Variants in ABLIM3 observed in about 807,000 individuals in gnomAD.
The protein encoded by ABLIM3 is actin-binding LIM protein 3.
Under a neutral mutation model 109.5 loss-of-function variants are expected in ABLIM3, and 61 were observed. That is an observed-to-expected ratio of 0.56 (90% CI 0.45 to 0.69). The LOEUF (loss-of-function observed/expected upper bound fraction) is 0.69. ABLIM3 is among the 30% of genes least tolerant of loss of function. The pLI, the probability that ABLIM3 is intolerant of heterozygous loss-of-function variation, is 0.00. For missense variants in ABLIM3, 796 were observed against 889.5 expected (o/e 0.89, Z 1.34); for synonymous variants, 300 against 324.8 (o/e 0.92, Z 0.82).
In ABLIM3 at chr5:149,249,844, G is replaced by A. The variant is rs1753757553; in HGVS notation, c.1729G>A (p.Asp577Asn). ...SPRSHYLADS[D>N]PLISKSASLP... ...TCGGTCGCACTACCTGGCTGACAGTGGTAAGTTCTACCTGCCCTACCTTCA... is the reference window on the plus strand; with the variant it reads ...TCGGTCGCACTACCTGGCTGACAGTAGTAAGTTCTACCTGCCCTACCTTCA... The change falls in exon 19 of 24, where the codon GAT (aspartate) becomes AAT (asparagine). Residue 577 changes from aspartate (D) to asparagine (N), a missense_variant and splice_region_variant. By Grantham distance (23) the Asp-to-Asn change is conservative. Transcript: ENST00000309868. 1 of 1,614,064 alleles carries A rather than the reference G, an allele frequency of 6.2e-7. No homozygotes were observed. Among genetic ancestry groups the A allele is most frequent in the Non-Finnish European group, 8.5e-7 (1 of 1,180,038 alleles).
chr5:149,229,100 CGGA>C (rs1392845844), intron 8 of ABLIM3, among the ~76,000 whole-genome samples: 1 of 152,096 alleles, frequency 6.6e-6, no homozygotes, highest in African/African-American at 2.4e-5. Flanking sequence ...CTGATAGATT[CGGA>C]AGCAACTCAG....
chr5:149,237,496 C>G lies in ABLIM3; in HGVS notation c.937C>G (p.Pro313Ala). 1 of 1,614,176 alleles carries G rather than the reference C, an allele frequency of 6.2e-7. No individual in the cohort carries two copies. Among genetic ancestry groups the G allele is most frequent in the Non-Finnish European group, 8.5e-7 (1 of 1,180,028 alleles). The part of the protein sequence containing the change: ...ILNYKDLAAL[P>A]KVKSIYEVQR... ...TAATTACAAAGACCTGGCGGCTCTCCCCAAGGTTAAGTCTATCTACGAGGT... is the reference window on the plus strand; with the variant it reads ...TAATTACAAAGACCTGGCGGCTCTCGCCAAGGTTAAGTCTATCTACGAGGT... The change falls in exon 11 of 24, where the codon CCC (proline) becomes GCC (alanine). Residue 313 changes from proline (P) to alanine (A), a missense_variant. Coordinates refer to ENST00000309868, the MANE Select transcript of ABLIM3 (RefSeq NM_014945.5).
chr5:149,178,693 G>A (rs979994734), intron 2 of ABLIM3, among the ~76,000 whole-genome samples: 3 of 152,198 alleles, frequency 2.0e-5, no homozygotes, highest in Admixed American at 6.5e-5. Context: ...GAGAGGAATC[G>A]TGTCATTCGC....
chr5:149,239,934 CAA>C, intron 13 of ABLIM3, 46 bp downstream of exon 13: 3 of 1,563,262 alleles, frequency 1.9e-6, no homozygotes, highest in Non-Finnish European at 2.6e-6. Context: ...GCCAGGGAGA[CAA>C]TGCAGTCACT....
At chr5:149,208,090 A>T (rs1361513456) in intron 6 of ABLIM3, among the ~76,000 whole-genome samples, 1 of 152,264 alleles carries the variant, frequency 6.6e-6, no homozygotes, top group African/African-American at 2.4e-5. Flanking sequence ...TACGGGAAAC[A>T]GATATGCTGC....
At chr5:149,189,503 G>C (rs1292049341) in intron 3 of ABLIM3, among the ~76,000 whole-genome samples, 1 of 152,094 alleles carries the variant, frequency 6.6e-6, no homozygotes, top group Non-Finnish European at 1.5e-5. Context: ...TCTTACAATT[G>C]CATAATAAGA....
At chr5:149,142,186 T>A in intron 2 of ABLIM3, 78 bp downstream of exon 2, 3 of 1,587,266 alleles carry the variant, frequency 1.9e-6, no homozygotes, top group Non-Finnish European at 2.6e-6. Flanking sequence ...TCGGGCTGCC[T>A]GGAAAGAGGA....
intron 2 of ABLIM3, among the ~76,000 whole-genome samples, chr5:149,146,191 T>C (rs1752910238): frequency 6.6e-6 from 1 of 152,236 alleles, no homozygotes; most frequent in South Asian, 2.1e-4. Context: ...ATTGTTTAAG[T>C]TCCTTATAGA....
chr5:149,168,678 T>C (rs143370714), intron 2 of ABLIM3, among the ~76,000 whole-genome samples: 2 of 152,380 alleles, frequency 1.3e-5, no homozygotes, highest in Non-Finnish European at 2.9e-5. Context: ...TTGACTTTTT[T>C]AAACATTTGT....
intron 3 of ABLIM3, among the ~76,000 whole-genome samples, chr5:149,192,495 G>A (rs1286124645): frequency 2.9e-5 from 4 of 137,752 alleles, no homozygotes; most frequent in African/African-American, 1.4e-4. Flanking sequence ...TCCACCTACG[G>A]GGCGCCTGTA....
chr5:149,206,594 G>A lies in ABLIM3; in HGVS notation c.449-414G>A, dbSNP rs887079066. Among the ~76,000 whole-genome samples, 14 of 152,160 alleles carry A rather than the reference G, an allele frequency of 9.2e-5. 1 individual carries two copies. The highest frequency in any genetic ancestry group is 5.2e-4 in the Admixed American group (8 of 15,276). ...TGCTTCTTAAACTTTTACTCTGCAC[G>A]GAGGTCTTGTTAAAATTCAAGAGGT... On this transcript the variant is annotated intron_variant, in intron 5 of 23. Transcript: ENST00000309868.
chr5:149,146,733 T>A (rs1752965741), intron 2 of ABLIM3, among the ~76,000 whole-genome samples: 1 of 152,250 alleles, frequency 6.6e-6, no homozygotes, highest in African/African-American at 2.4e-5. Context: ...TAATATAGTT[T>A]GAAGTCAGGT....
At chr5:149,181,716 A>G (rs937744966) in intron 2 of ABLIM3, among the ~76,000 whole-genome samples, 1 of 152,236 alleles carries the variant, frequency 6.6e-6, no homozygotes, top group African/African-American at 2.4e-5. Context: ...TTTGGAGATC[A>G]TAGATCTCTT....
In ABLIM3 at chr5:149,200,328, C is replaced by G. The variant is rs1251976540; in HGVS notation, c.348C>G (p.Pro116=). The G allele has an allele frequency of 9.3e-6, 15 of 1,614,084 alleles. 1 individual carries two copies. The South Asian group carries it at 1.6e-4, about 18-fold the overall frequency. Residue 116 remains proline (P), a synonymous_variant, in exon 5 of 24, where the codon CCC becomes CCG. Transcript: ENST00000309868. ...FVCSLCRKPF[P]IGDKVTFSGK... ...ATCCCACTTGCAGGAAGCCTTTCCC[C>G]ATTGGAGACAAGGTGACCTTCAGCG...
At chr5:149,225,916 C>CATATATATATAT (rs1561607151) in intron 8 of ABLIM3, among the ~76,000 whole-genome samples, 1 of 39,162 alleles carries the variant, frequency 2.6e-5, no homozygotes, top group African/African-American at 1.1e-4. Context: ...AGTATTCCAT[C>CATATATATATAT]ATATATACAT....
Position 149,185,721 on chromosome 5 carries a change from A to G in ABLIM3, c.151+2132A>G, listed in dbSNP as rs922712769. Among the ~76,000 whole-genome samples, 7 of 152,256 alleles carry G rather than the reference A, an allele frequency of 4.6e-5. No individual in the cohort carries two copies. The East Asian group carries it at 1.3e-3, about 29-fold the overall frequency. On this transcript the variant is annotated intron_variant, in intron 3 of 23. Transcript: ENST00000309868. ...ATTTCCAACAGCAATCAACATGACA[A>G]TTAAGTACCCTATTAGATAGCTTTC... is the stretch of plus-strand genomic sequence containing the variant.
At chr5:149,178,417 C>T (rs1756162731) in intron 2 of ABLIM3, among the ~76,000 whole-genome samples, 1 of 152,198 alleles carries the variant, frequency 6.6e-6, no homozygotes, top group Non-Finnish European at 1.5e-5. Flanking sequence ...GATGTTTCAC[C>T]TTTCAACCAG....
At position 149,203,669 on chromosome 5, in the gene ABLIM3, C is replaced by T. The variant is rs571822080; in HGVS notation, c.448+3241C>T. 4.6e-5 allele frequency among the ~76,000 whole-genome samples: 7 copies of T among 150,588 alleles called. No individual in the cohort carries two copies. The East Asian group carries it at 1.2e-3, about 26-fold the overall frequency. ...CCATAATCACCACTATTACCACTATCGCCAGCACCAGCAGCATCAACACCA... is the reference window on the plus strand; with the variant it reads ...CCATAATCACCACTATTACCACTATTGCCAGCACCAGCAGCATCAACACCA... On this transcript the variant is annotated intron_variant, in intron 5 of 23. Transcript: ENST00000309868.
chr5:149,143,094 G>A (rs1054675586), intron 2 of ABLIM3, among the ~76,000 whole-genome samples: 8 of 152,080 alleles, frequency 5.3e-5, no homozygotes, highest in African/African-American at 1.9e-4. Flanking sequence ...GCCAGGCACC[G>A]TGTTCCATGC....
Sources: allele counts gnomAD v4.1 joint callset (sites outside exome capture counted in the v4.1 genomes callset), GRCh38; gene constraint gnomAD v4.1.1; transcripts MANE v1.5; gene names NCBI Gene and HGNC (gene_info 2026-07-23, HGNC 2026-07-21).